Variants in P3H2 observed in about 807,000 individuals in gnomAD.
P3H2 encodes the protein prolyl 3-hydroxylase 2.
P3H2 carries 80 observed loss-of-function variants against 87.0 expected under a neutral mutation model. That is an observed-to-expected ratio of 0.92 (90% confidence interval 0.77 to 1.11). P3H2 has a LOEUF of 1.11. Ranked by LOEUF, P3H2 falls within the 50% of genes least tolerant of loss-of-function variation. P3H2 has a pLI of 0.00. For missense variants in P3H2, 1,001 were observed against 923.9 expected (o/e 1.08, Z -1.08); for synonymous variants, 367 against 359.3 (o/e 1.02, Z -0.24).
chr3:190,091,864 G>T (rs1404781067), intron 1 of P3H2, among the ~76,000 whole-genome samples: 1 of 152,220 alleles, frequency 6.6e-6, no homozygotes, highest in Non-Finnish European at 1.5e-5. Context: ...ATAACCTGAT[G>T]TATTAGAATA....
chr3:190,104,262 T>C (rs1711745690), intron 1 of P3H2, among the ~76,000 whole-genome samples: 2 of 152,032 alleles, frequency 1.3e-5, no homozygotes. Flanking sequence ...AGTGATAATA[T>C]CTATCCTACT....
chr3:190,024,530 C>CAAAAAAAA lies in P3H2; in HGVS notation c.481-29096_481-29089dup, dbSNP rs71635314. Among the ~76,000 whole-genome samples, 112 of 52,274 alleles carry CAAAAAAAA rather than the reference C, an allele frequency of 2.1e-3. 1 individual carries two copies. Among genetic ancestry groups the CAAAAAAAA allele is most frequent in the East Asian group, 3.1e-3 (5 of 1,608 alleles). The allele number at this position is 52,274 out of a possible 152,430, so 34.3% of individuals were successfully genotyped here. ...TGGGCAATAGAGTGAGGTTCCCTCTCAAAAAAAAAAAAAAAAAAAAAAAGA... is the reference window on the plus strand; with the variant it reads ...TGGGCAATAGAGTGAGGTTCCCTCTCAAAAAAAAAAAAAAAAAAAAAAAAAAAAAAAGA... On this transcript the variant is annotated intron_variant, in intron 1 of 14. Transcript: ENST00000319332.
chr3:190,087,920 T>C (rs1727280674), intron 1 of P3H2, among the ~76,000 whole-genome samples: 1 of 152,200 alleles, frequency 6.6e-6, no homozygotes, highest in Admixed American at 6.6e-5. Flanking sequence ...TTAACAAATA[T>C]TGGAAATAAA....
intron 8 of P3H2, among the ~76,000 whole-genome samples, chr3:189,980,584 T>C (rs1203976783): frequency 6.6e-6 from 1 of 152,024 alleles, no homozygotes; most frequent in African/African-American, 2.4e-5. Context: ...AAAAGAGATA[T>C]GAAAGTGTTT....
chr3:189,973,171 T>G (rs1426876599), intron 10 of P3H2, 147 bp from the exon 11 acceptor site: 2 of 700,872 alleles, frequency 2.9e-6, no homozygotes, highest in Non-Finnish European at 4.7e-6. Context: ...TGGATTTCGG[T>G]TAGGACATTG....
intron 1 of P3H2, among the ~76,000 whole-genome samples, chr3:190,120,012 A>G (rs1282766028): frequency 2.0e-5 from 3 of 152,250 alleles, no homozygotes; most frequent in Non-Finnish European, 4.4e-5. Flanking sequence ...CCTTATCAGG[A>G]CAGTCCTCTT....
chr3:190,095,549 G>T (rs1727548894), intron 1 of P3H2, among the ~76,000 whole-genome samples: 1 of 148,970 alleles, frequency 6.7e-6, no homozygotes, highest in Non-Finnish European at 1.5e-5. Context: ...AGTCCATGAA[G>T]ATATGTAATT....
At chr3:190,118,822 C>T (rs759083042) in intron 1 of P3H2, among the ~76,000 whole-genome samples, 5 of 151,006 alleles carry the variant, frequency 3.3e-5, no homozygotes, top group Admixed American at 1.3e-4. Flanking sequence ...CTGGTCCAGC[C>T]GTGCTCACGC....
At chr3:190,001,440 T>C (rs995118448) in intron 1 of P3H2, among the ~76,000 whole-genome samples, 1 of 152,244 alleles carries the variant, frequency 6.6e-6, no homozygotes, top group Admixed American at 6.5e-5. Flanking sequence ...ATGAATTCTT[T>C]TTCTACTTTC....
Position 190,034,047 on chromosome 3 carries a change from C to T in P3H2, c.481-38605G>A, listed in dbSNP as rs189611269. ...TCAAGCTCACGTTACAGAATACTTT[C>T]GTAAACAATATTCAGACGGAACACG... On this transcript the variant is annotated intron_variant, in intron 1 of 14. Transcript: ENST00000319332. 2.6e-3 allele frequency among the ~76,000 whole-genome samples: 393 copies of T among 152,192 alleles called. 1 individual carries two copies. Among genetic ancestry groups the T allele is most frequent in the South Asian group, 0.017 (81 of 4,824 alleles).
intron 1 of P3H2, among the ~76,000 whole-genome samples, chr3:190,031,976 C>T (rs1725268588): frequency 6.6e-6 from 1 of 152,116 alleles, no homozygotes; most frequent in South Asian, 2.1e-4. Context: ...TATTCCAAAA[C>T]ATTCAGTAAG....
At chr3:190,031,133 A>G (rs1725238194) in intron 1 of P3H2, among the ~76,000 whole-genome samples, 1 of 152,234 alleles carries the variant, frequency 6.6e-6, no homozygotes, top group African/African-American at 2.4e-5. Context: ...TTAAAATACT[A>G]AATGCTCTAA....
rs150100624 is a variant in P3H2 at position 189,977,696 on chromosome 3, C to A, written c.1325-3011G>T. The stretch of plus-strand genomic sequence containing the variant: ...GCTCACTGCAGCCTTGACCTCCTAT[C>A]CTCAAGCAATCCTCCCACCTCAGAC... On this transcript the variant is annotated intron_variant, in intron 8 of 14. Transcript: ENST00000319332. 8.5e-5 allele frequency among the ~76,000 whole-genome samples: 13 copies of A among 152,120 alleles called. No individual in the cohort carries two copies. In the East Asian group the frequency reaches 2.5e-3, roughly 29 times the overall value.
At chr3:190,049,044 C>T (rs543175323) in intron 1 of P3H2, among the ~76,000 whole-genome samples, 2 of 152,120 alleles carry the variant, frequency 1.3e-5, no homozygotes, top group Admixed American at 6.5e-5. Flanking sequence ...AGTAAGGGCA[C>T]GTCCGTGACT....
intron 1 of P3H2, among the ~76,000 whole-genome samples, chr3:190,022,060 A>G (rs1724941071): frequency 1.5e-5 from 2 of 135,478 alleles, no homozygotes; most frequent in South Asian, 5.2e-4. Context: ...GGAATGTACA[A>G]TGACATTAGC....
intron 13 of P3H2, among the ~76,000 whole-genome samples, chr3:189,964,760 C>G (rs1473048590): frequency 6.6e-6 from 1 of 152,206 alleles, no homozygotes; most frequent in Non-Finnish European, 1.5e-5. Flanking sequence ...CGCCATCACC[C>G]TTAAGTGTTT....
At chr3:190,012,210 GT>G (rs1724613798) in intron 1 of P3H2, among the ~76,000 whole-genome samples, 1 of 17,002 alleles carries the variant, frequency 5.9e-5, no homozygotes, top group African/African-American at 1.9e-4. Flanking sequence ...AGGTAAAGGT[GT>G]GTGTGTGTGT....
intron 1 of P3H2, among the ~76,000 whole-genome samples, chr3:190,079,982 T>C (rs921247207): frequency 1.3e-5 from 2 of 152,220 alleles, no homozygotes; most frequent in African/African-American, 4.8e-5. Context: ...ACAATAAAAC[T>C]ACTCAATGAA....
upstream of P3H2, among the ~76,000 whole-genome samples, chr3:190,121,868 G>T (rs1168595112): frequency 6.6e-6 from 1 of 152,142 alleles, no homozygotes; most frequent in African/African-American, 2.4e-5. Flanking sequence ...AAGGCGGGTG[G>T]ATCACCTGAG....
Sources: allele counts gnomAD v4.1 joint callset (sites outside exome capture counted in the v4.1 genomes callset), GRCh38; gene constraint gnomAD v4.1.1; transcripts MANE v1.5; gene names NCBI Gene and HGNC (gene_info 2026-07-23, HGNC 2026-07-21).